The following DLGAP1 variants were observed in gnomAD, a reference collection of about 807,000 sequenced individuals.
The protein encoded by DLGAP1 is DLG associated protein 1.
A neutral mutation model predicts 90.8 loss-of-function variants in DLGAP1; 11 were observed. That is an observed-to-expected ratio of 0.12 (90% CI 0.08 to 0.20). DLGAP1 has a LOEUF of 0.20. DLGAP1 is among the 10% of genes least tolerant of loss of function. The pLI, the probability that DLGAP1 is intolerant of heterozygous loss-of-function variation, is 1.00. For missense variants in DLGAP1, 1,050 were observed against 1,333.8 expected (o/e 0.79, Z 3.31); for synonymous variants, 558 against 540.7 (o/e 1.03, Z -0.44).
rs149199153 is a variant in DLGAP1 at position 3,547,565 on chromosome 18, A to G, written c.2058-12950T>C. 2.3e-3 allele frequency among the ~76,000 whole-genome samples: 336 copies of G among 147,468 alleles called. 2 individuals are homozygous for G. Among genetic ancestry groups the G allele is most frequent in the African/African-American group, 7.8e-3 (315 of 40,128 alleles). On this transcript the variant is annotated intron_variant, in intron 9 of 12. Transcript: ENST00000315677. ...ATATATAGATCCACACCACAATGAC[A>G]TGCCACTTCATACCCAATAGGATAG... is the stretch of plus-strand genomic sequence containing the variant.
chr18:3,842,651 C>T (rs534798406), intron 4 of DLGAP1, among the ~76,000 whole-genome samples: 29 of 149,976 alleles, frequency 1.9e-4, no homozygotes, highest in Non-Finnish European at 2.5e-4. Context: ...AGGAGAGACA[C>T]GAGGGTGAGA....
Position 3,853,309 on chromosome 18 carries a change from A to G in DLGAP1, c.957+25803T>C, listed in dbSNP as rs141133388. Among the ~76,000 whole-genome samples, 489 of 152,170 alleles carry G rather than the reference A, an allele frequency of 3.2e-3. 3 individuals carry two copies. Among genetic ancestry groups the G allele is most frequent in the African/African-American group, 0.01 (424 of 41,510 alleles). On this transcript the variant is annotated intron_variant, in intron 4 of 12. Transcript: ENST00000315677. ...ATGCTTGGAACCAGAAAGGTTTTGA[A>G]TTTCAGATTTTTTCGGATTTTAGAA...
intron 4 of DLGAP1, among the ~76,000 whole-genome samples, chr18:3,837,204 T>C (rs939327042): frequency 1.3e-5 from 2 of 152,234 alleles, no homozygotes; most frequent in Non-Finnish European, 2.9e-5. Flanking sequence ...AATCCAAGCA[T>C]ATGTTATTTT....
Position 3,534,346 on chromosome 18 carries a change from A to G in DLGAP1, c.2327T>C (p.Ile776Thr). Residue 776 changes from isoleucine to threonine, a missense_variant, in exon 10 of 13, where the codon ATC (isoleucine) becomes ACC (threonine). By Grantham distance (89) the Ile-to-Thr change is moderately conservative (BLOSUM62 -1). Transcript: ENST00000315677. Reference sequence around the variant, plus strand: ...CACGGCCTCCAGAGGGTCTTCAGTGATAGAGTCAATCCAGGGGTCCGGAGG... The same window carrying G: ...CACGGCCTCCAGAGGGTCTTCAGTGGTAGAGTCAATCCAGGGGTCCGGAGG... ...LPPPDPWIDS[I>T]TEDPLEAVQR... is the part of the protein sequence containing the mutation. 1.9e-6 allele frequency: 3 copies of G among 1,614,158 alleles called. No individual in the cohort carries two copies. The highest frequency in any genetic ancestry group is 2.5e-6 in the Non-Finnish European group (3 of 1,180,026).
chr18:4,309,838 T>C (rs2080353990), intron 1 of DLGAP1, among the ~76,000 whole-genome samples: 1 of 152,176 alleles, frequency 6.6e-6, no homozygotes, highest in Non-Finnish European at 1.5e-5. Flanking sequence ...TAAAAAAGGC[T>C]CCACAGGCTT....
intron 10 of DLGAP1, among the ~76,000 whole-genome samples, chr18:3,531,797 T>C (rs908563497): frequency 5.9e-5 from 9 of 152,020 alleles, no homozygotes; most frequent in African/African-American, 1.5e-4. Context: ...ATTATACATA[T>C]AAAAAATGTT....
Position 3,951,073 on chromosome 18 carries a change from G to C in DLGAP1, c.-73+54043C>G, listed in dbSNP as rs938172055. ...TCCTATTTAAAAAGTCAATGTTTTG[G>C]GGTCAGCAGAGCCTAGACAACAATG... On this transcript the variant is annotated intron_variant, in intron 3 of 12. Coordinates refer to ENST00000315677, the MANE Select transcript of DLGAP1 (RefSeq NM_004746.4). Among the ~76,000 whole-genome samples the C allele has an allele frequency of 2.0e-5, 3 of 152,154 alleles. No individual in the cohort carries two copies. In the East Asian group the frequency reaches 5.8e-4, roughly 29 times the overall value.
chr18:4,035,134 A>G (rs1031727225), intron 2 of DLGAP1, among the ~76,000 whole-genome samples: 2 of 152,190 alleles, frequency 1.3e-5, no homozygotes, highest in Admixed American at 1.3e-4. Context: ...GCCGCAATAA[A>G]CATACACGTG....
At chr18:4,081,721 A>G (rs2075611171) in intron 2 of DLGAP1, among the ~76,000 whole-genome samples, 3 of 152,204 alleles carry the variant, frequency 2.0e-5, no homozygotes. Flanking sequence ...CTTGTCATCA[A>G]CCATTGCCTT....
chr18:3,846,378 T>C (rs1399940468), intron 4 of DLGAP1, among the ~76,000 whole-genome samples: 1 of 152,196 alleles, frequency 6.6e-6, no homozygotes, highest in African/African-American at 2.4e-5. Flanking sequence ...AAAATTATAA[T>C]TAAATGATTG....
chr18:3,521,822 A>T (rs1026538246), intron 10 of DLGAP1, among the ~76,000 whole-genome samples: 1 of 152,212 alleles, frequency 6.6e-6, no homozygotes, highest in Non-Finnish European at 1.5e-5. Context: ...TAACTGAGTT[A>T]TTTACAGATT....
intron 7 of DLGAP1, among the ~76,000 whole-genome samples, chr18:3,677,285 C>T (rs956831437): frequency 1.3e-5 from 2 of 152,240 alleles, no homozygotes; most frequent in African/African-American, 4.8e-5. Context: ...TCCTTCACGT[C>T]CACTGAATCT....
At chr18:3,540,375 G>A (rs904812873) in intron 9 of DLGAP1, among the ~76,000 whole-genome samples, 1 of 148,592 alleles carries the variant, frequency 6.7e-6, no homozygotes, top group Non-Finnish European at 1.5e-5. Context: ...GCTAAGGCAC[G>A]AGAATGGCTT....
At chr18:3,882,593 T>C (rs2071204382) in intron 3 of DLGAP1, among the ~76,000 whole-genome samples, 2 of 152,064 alleles carry the variant, frequency 1.3e-5, no homozygotes, top group South Asian at 4.2e-4. Context: ...GAAAAGTTCT[T>C]GAGGACATGA....
intron 9 of DLGAP1, among the ~76,000 whole-genome samples, chr18:3,537,675 G>A (rs1026300275): frequency 1.3e-5 from 2 of 152,098 alleles, no homozygotes; most frequent in Non-Finnish European, 1.5e-5. Flanking sequence ...TTAATTTTTT[G>A]AGGAACAACC....
chr18:4,394,126 A>C (rs1408069018), intron 1 of DLGAP1, among the ~76,000 whole-genome samples: 1 of 152,216 alleles, frequency 6.6e-6, no homozygotes, highest in Non-Finnish European at 1.5e-5. Context: ...ATATGGCTAA[A>C]CATAATAAGG....
rs375786936 is a variant in DLGAP1, at chr18:4,021,981, T to C, written c.-158-16780A>G. On this transcript the variant is annotated intron_variant, in intron 2 of 12. Transcript: ENST00000315677. The stretch of plus-strand genomic sequence containing the variant: ...GAGTTCTGTCCTCAACTGCAGTAAC[T>C]GTAAGGAGGTATTATCACATTTTCT... 1.3e-4 allele frequency among the ~76,000 whole-genome samples: 20 copies of C among 152,276 alleles called. No individual in the cohort carries two copies. In the South Asian group the frequency reaches 4.2e-3, roughly 32 times the overall value.
chr18:4,238,988 A>G (rs1005174994), intron 1 of DLGAP1, among the ~76,000 whole-genome samples: 8 of 152,258 alleles, frequency 5.3e-5, no homozygotes, highest in African/African-American at 1.9e-4. Flanking sequence ...TTTGAGAACT[A>G]TAACTCAGAT....
chr18:4,294,045 T>TC lies in DLGAP1; in HGVS notation c.-266-142759dup, dbSNP rs775665733. ...GAACAGAAAGTTGGGGTATCTTGTA[T>TC]CCCCTCCTTTTTTTTCTTTTGGGAC... On this transcript the variant is annotated intron_variant, in intron 1 of 12. Coordinates refer to ENST00000315677, the MANE Select transcript of DLGAP1 (RefSeq NM_004746.4). 1.2e-4 allele frequency: 18 copies of TC among 152,258 alleles called. No individual in the cohort carries two copies. In the East Asian group the frequency reaches 2.9e-3, roughly 25 times the overall value. The allele number at this position is 152,258 out of a possible 1,614,324, so 9.4% of individuals were successfully genotyped here.
Sources: gnomAD v4.1 joint callset for allele counts (sites outside exome capture counted in the v4.1 genomes callset) on GRCh38, gnomAD v4.1.1 for gene constraint, MANE v1.5 for transcripts, NCBI Gene and HGNC (gene_info 2026-07-23, HGNC 2026-07-21) for gene names.